The following PLD1 variants were observed in gnomAD, a reference collection of about 807,000 sequenced individuals.
PLD1 encodes phospholipase D1.
In PLD1, 112 loss-of-function variants were observed where a neutral mutation model predicts 137.1. The ratio of observed to expected loss-of-function variants is 0.82; its 90% CI spans 0.70 to 0.96. The LOEUF is 0.96. Among genes scored for constraint, PLD1 ranks in the 40% least tolerant of loss-of-function variants. The pLI is 0.00. For synonymous variants in PLD1, 431 were observed against 454.7 expected (o/e 0.95, Z 0.66); for missense variants, 1,321 against 1,342.0 (o/e 0.98, Z 0.24).
intron 26 of PLD1, 92 bp downstream of exon 26, chr3:171,605,207 A>G: frequency 1.2e-6 from 1 of 817,444 alleles, no homozygotes; most frequent in South Asian, 1.4e-5. Context: ...TATTAAGAAT[A>G]CCCTGTACCA....
chr3:171,744,104 G>A (rs1719968935), intron 1 of PLD1, among the ~76,000 whole-genome samples: 1 of 152,228 alleles, frequency 6.6e-6, no homozygotes, highest in Non-Finnish European at 1.5e-5. Flanking sequence ...CAAACTGCTA[G>A]TGAAGCTTCC....
At chr3:171,635,601 T>C (rs1285358587) in intron 23 of PLD1, among the ~76,000 whole-genome samples, 2 of 152,098 alleles carry the variant, frequency 1.3e-5, no homozygotes, top group Non-Finnish European at 2.9e-5. Context: ...TTGCCCATTT[T>C]TTATTTTTTG....
At chr3:171,715,218 T>G (rs1048156799) in intron 8 of PLD1, among the ~76,000 whole-genome samples, 9 of 152,212 alleles carry the variant, frequency 5.9e-5, no homozygotes, top group African/African-American at 1.9e-4. Context: ...GAGTGTGCAC[T>G]TTCCCCAAAG....
At chr3:171,637,350 C>A (rs1400933592) in intron 23 of PLD1, among the ~76,000 whole-genome samples, 1 of 152,186 alleles carries the variant, frequency 6.6e-6, no homozygotes, top group Non-Finnish European at 1.5e-5. Context: ...ATTCTCGTGC[C>A]TCAGCCTCCC....
chr3:171,694,238 A>C (rs2108526724), intron 12 of PLD1, among the ~76,000 whole-genome samples: 1 of 152,250 alleles, frequency 6.6e-6, no homozygotes, highest in Non-Finnish European at 1.5e-5. Context: ...GCTCTAAAAA[A>C]AGCAGGATCA....
intron 1 of PLD1, among the ~76,000 whole-genome samples, chr3:171,794,168 G>C (rs1425850652): frequency 2.0e-5 from 3 of 150,722 alleles, no homozygotes; most frequent in Admixed American, 2.0e-4. Flanking sequence ...GAAAAGTACT[G>C]TACAATAAGA....
chr3:171,794,674 T>C (rs1723357098), intron 1 of PLD1, among the ~76,000 whole-genome samples: 1 of 83,794 alleles, frequency 1.2e-5, no homozygotes, highest in Admixed American at 1.5e-4. Flanking sequence ...GAGGAAATAT[T>C]CCTCTAGTAT....
intron 21 of PLD1, among the ~76,000 whole-genome samples, chr3:171,656,436 G>T (rs924375715): frequency 6.6e-6 from 1 of 152,202 alleles, no homozygotes; most frequent in African/African-American, 2.4e-5. Flanking sequence ...CTCCCAAAGT[G>T]CTGGGATTAC....
At chr3:171,692,532 CTT>C in intron 12 of PLD1, 90 bp from the exon 13 acceptor site, 7 of 634,548 alleles carry the variant, frequency 1.1e-5, no homozygotes, top group East Asian at 2.9e-5. Flanking sequence ...TACTTTCTTT[CTT>C]TTTTTTTTCA....
rs765074449 is a variant in PLD1 at position 171,688,781 on chromosome 3, T to G, written c.1434A>C (p.Gly478=). 5.0e-6 allele frequency: 8 copies of G among 1,613,918 alleles called. No homozygotes were observed. Among genetic ancestry groups the G allele is most frequent in the Non-Finnish European group, 5.9e-6 (7 of 1,179,974 alleles). Residue 478 remains glycine (G), a synonymous_variant, in exon 14 of 27, where the codon GGA becomes GGC. Transcript: ENST00000351298. ...ACCTTCCATAGGCCAGGTCAATCCC[T>G]CCCACAAAGGCCACCGATTGGTCAA... ...VIIDQSVAFV[G]GIDLAYGRWD...
intron 25 of PLD1, chr3:171,611,597 A>C (rs1454034590): frequency 3.9e-6 from 2 of 518,906 alleles, no homozygotes; most frequent in South Asian, 1.4e-5. Flanking sequence ...CTTCTTGCCA[A>C]AGATCAGGGA....
chr3:171,651,187 T>C (rs921408933), intron 21 of PLD1, among the ~76,000 whole-genome samples: 1 of 152,226 alleles, frequency 6.6e-6, no homozygotes, highest in African/African-American at 2.4e-5. Flanking sequence ...CAAGACACTT[T>C]ATTTTTTTGA....
chr3:171,674,979 CAAAAAAAAAAA>C (rs376402019), intron 18 of PLD1, among the ~76,000 whole-genome samples: 3 of 75,028 alleles, frequency 4.0e-5, no homozygotes, highest in East Asian at 9.3e-4. Flanking sequence ...ATCTCCATCT[CAAAAAAAAAAA>C]AAAAAAAAAG....
chr3:171,650,815 G>A (rs1461240583), intron 21 of PLD1, among the ~76,000 whole-genome samples: 2 of 152,022 alleles, frequency 1.3e-5, no homozygotes, highest in Non-Finnish European at 2.9e-5. Flanking sequence ...GGAGAATGGC[G>A]TGAACCCGGG....
chr3:171,772,733 A>C (rs1160434778), intron 1 of PLD1, among the ~76,000 whole-genome samples: 1 of 152,242 alleles, frequency 6.6e-6, no homozygotes, highest in Non-Finnish European at 1.5e-5. Context: ...AAAACAGAGA[A>C]GGAGCAGCTA....
At chr3:171,639,644 TA>T (rs1735541434) in intron 23 of PLD1, among the ~76,000 whole-genome samples, 2 of 113,892 alleles carry the variant, frequency 1.8e-5, no homozygotes, top group African/African-American at 7.3e-5. Context: ...TAATATATAT[TA>T]TATATAATAT....
At chr3:171,694,929 C>T (rs1715544917) in intron 12 of PLD1, among the ~76,000 whole-genome samples, 1 of 152,098 alleles carries the variant, frequency 6.6e-6, no homozygotes, top group Admixed American at 6.5e-5. Flanking sequence ...GTCTTTTTAG[C>T]TTAAAGACAA....
chr3:171,763,960 A>G (rs1481551852), intron 1 of PLD1, among the ~76,000 whole-genome samples: 1 of 151,546 alleles, frequency 6.6e-6, no homozygotes, highest in Non-Finnish European at 1.5e-5. Flanking sequence ...TAAATGCTGA[A>G]TGGCATTAGC....
At chr3:171,640,767 C>G (rs1291685878) in intron 23 of PLD1, among the ~76,000 whole-genome samples, 1 of 152,210 alleles carries the variant, frequency 6.6e-6, no homozygotes, top group Non-Finnish European at 1.5e-5. Flanking sequence ...CAGCCCTACA[C>G]AGACCCATGA....
Sources: allele counts gnomAD v4.1 joint callset (sites outside exome capture counted in the v4.1 genomes callset), GRCh38; gene constraint gnomAD v4.1.1; transcripts MANE v1.5; gene names NCBI Gene and HGNC (gene_info 2026-07-23, HGNC 2026-07-21).